Variants in VPS13A observed in about 807,000 individuals in gnomAD.
VPS13A encodes intermembrane lipid transfer protein VPS13A.
A neutral mutation model predicts 390.9 loss-of-function variants in VPS13A; 264 were observed. That is an observed-to-expected ratio of 0.68 (90% CI 0.61 to 0.75). VPS13A has a LOEUF of 0.75. VPS13A is among the 30% of genes least tolerant of loss of function. The pLI, the probability that VPS13A is intolerant of heterozygous loss-of-function variation, is 0.00. For missense variants in VPS13A, 3,409 were observed against 3,733.9 expected, an observed-to-expected ratio of 0.91 and a Z score of 2.27; for synonymous variants, 1,231 against 1,227.1, an observed-to-expected ratio of 1.00 and a Z score of -0.07.
intron 1 of VPS13A, among the ~76,000 whole-genome samples, chr9:77,183,152 G>A (rs749933345): frequency 2.0e-5 from 3 of 152,108 alleles, no homozygotes; most frequent in Non-Finnish European, 4.4e-5. Flanking sequence ...AGATTTTACA[G>A]TGCCTCTCCA....
chr9:77,307,038 C>G (rs903282368), intron 34 of VPS13A, among the ~76,000 whole-genome samples: 2 of 151,736 alleles, frequency 1.3e-5, no homozygotes, highest in African/African-American at 2.4e-5. Context: ...ACCTGAGTAG[C>G]TGGGATTACA....
chr9:77,312,274 T>G (rs1383503802), intron 35 of VPS13A, among the ~76,000 whole-genome samples: 2 of 152,256 alleles, frequency 1.3e-5, no homozygotes, highest in Admixed American at 1.3e-4. Context: ...GCCTCAGACT[T>G]GATGTATGTA....
At chr9:77,264,507 TC>T (rs1825926489) in intron 23 of VPS13A, among the ~76,000 whole-genome samples, 1 of 152,222 alleles carries the variant, frequency 6.6e-6, no homozygotes, top group Admixed American at 6.5e-5. Flanking sequence ...AAGAGGTCCT[TC>T]ACATCCCTTG....
chr9:77,321,368 G>T, intron 43 of VPS13A, 41 bp downstream of exon 43: 2 of 1,583,488 alleles, frequency 1.3e-6, no homozygotes, highest in Non-Finnish European at 1.7e-6. Context: ...TGAGATACTT[G>T]TCTGATTGAT....
intron 68 of VPS13A, among the ~76,000 whole-genome samples, chr9:77,400,453 G>A (rs1163098570): frequency 6.6e-6 from 1 of 151,780 alleles, no homozygotes. Context: ...CCATTCAGTA[G>A]TGGTTAAGTT....
At chr9:77,239,367 G>A (rs923767031) in intron 19 of VPS13A, among the ~76,000 whole-genome samples, 5 of 151,122 alleles carry the variant, frequency 3.3e-5, no homozygotes, top group African/African-American at 1.2e-4. Context: ...GCAACACCCT[G>A]CCACACACAC....
At chr9:77,277,003 TG>T (rs1490888819) in intron 26 of VPS13A, among the ~76,000 whole-genome samples, 1 of 152,158 alleles carries the variant, frequency 6.6e-6, no homozygotes, top group East Asian at 1.9e-4. Context: ...GTATCTTTGT[TG>T]GGGGCAGAGG....
intron 71 of VPS13A, among the ~76,000 whole-genome samples, chr9:77,413,396 T>C (rs1000857368): frequency 9.9e-5 from 15 of 152,222 alleles, no homozygotes; most frequent in African/African-American, 3.4e-4. Context: ...AACAGAGATA[T>C]AGACCAATGG....
In VPS13A at chr9:77,339,862, A is replaced by T; in HGVS notation, c.6725A>T (p.Lys2242Met). The T allele has an allele frequency of 6.2e-7, 1 of 1,613,606 alleles. No homozygotes were observed. Among genetic ancestry groups the T allele is most frequent in the Non-Finnish European group, 8.5e-7 (1 of 1,179,942 alleles). The change falls in exon 48 of 72, where the codon AAG becomes ATG. Residue 2242 changes from lysine (K) to methionine (M), a missense_variant. Lys to Met is a moderately conservative substitution (Grantham distance 95). This residue lies in a region of VPS13A where 2,717 missense variants were observed against 2,917.4 expected (regional missense o/e 0.93). Coordinates refer to ENST00000360280, the MANE Select transcript of VPS13A (RefSeq NM_033305.3). ...CGAAAGCATCCACCTAATTATAAAA[A>T]GCCAGTTCTCTTTTCTTTTCAGCCA... ...IHRKHPPNYK[K>M]PVLFSFQPNH... is the part of the protein sequence containing the mutation.
intron 19 of VPS13A, among the ~76,000 whole-genome samples, chr9:77,240,489 T>G (rs556190444): frequency 6.6e-6 from 1 of 150,712 alleles, no homozygotes; most frequent in African/African-American, 2.4e-5. Context: ...TTTTTTTTTT[T>G]TTTTTTTGAC....
Position 77,220,092 on chromosome 9 carries a change from TTAATA to T in VPS13A, c.882+16_882+20del. ...TTTAATAAACCACAGGTGATTTTCT[TTAATA>T]TAATTTTCAATTGTGAATTATTGTT... is the stretch of plus-strand genomic sequence containing the variant. On this transcript the variant is annotated intron_variant, in intron 11 of 71. Transcript: ENST00000360280. 1 of 1,595,150 alleles carries T rather than the reference TTAATA, an allele frequency of 6.3e-7. No individual in the cohort carries two copies. The highest frequency in any genetic ancestry group is 8.6e-7 in the Non-Finnish European group (1 of 1,166,040).
chr9:77,271,717 C>T (rs998422160), intron 23 of VPS13A, among the ~76,000 whole-genome samples: 16 of 151,628 alleles, frequency 1.1e-4, no homozygotes, highest in African/African-American at 3.1e-4. Flanking sequence ...GGGAATAGAA[C>T]GCAGGATTAC....
rs762126165 is a variant in VPS13A at position 77,370,302 on chromosome 9, G to C, written c.8713G>C (p.Gly2905Arg). The C allele has an allele frequency of 6.2e-7, 1 of 1,614,138 alleles. No individual in the cohort carries two copies. The highest frequency in any genetic ancestry group is 2.2e-5 in the East Asian group (1 of 44,874). Reference protein sequence around the residue: ...PEEFVEGMALGLKALVGGAVG... With the variant: ...PEEFVEGMALRLKALVGGAVG... Reference sequence around the variant, plus strand: ...AGAGTTTGTGGAAGGAATGGCACTAGGACTTAAGGCACTAGTTGGTGGAGC... The same window carrying C: ...AGAGTTTGTGGAAGGAATGGCACTACGACTTAAGGCACTAGTTGGTGGAGC... Residue 2905 changes from glycine to arginine, a missense_variant, in exon 64 of 72, where the codon GGA becomes CGA. Gly to Arg is a moderately radical substitution (Grantham distance 125). Around this residue, in one of 5 missense-constraint regions of VPS13A, gnomAD observed 318 missense variants for 333.7 expected, o/e 0.95. Transcript: ENST00000360280.
intron 52 of VPS13A, among the ~76,000 whole-genome samples, chr9:77,347,734 G>T (rs1831232440): frequency 2.6e-5 from 4 of 152,052 alleles, no homozygotes; most frequent in Admixed American, 1.3e-4. Flanking sequence ...TCTAAAATAA[G>T]AAATATAATC....
At chr9:77,288,417 T>G (rs1827464754) in intron 31 of VPS13A, among the ~76,000 whole-genome samples, 1 of 152,242 alleles carries the variant, frequency 6.6e-6, no homozygotes. Flanking sequence ...CTATAAATTT[T>G]CCTTTAAGCA....
chr9:77,390,079 T>TTAC (rs1200971207), intron 68 of VPS13A: 3 of 985,328 alleles, frequency 3.0e-6, no homozygotes, highest in Non-Finnish European at 3.6e-6. Context: ...AAGAAAGGTC[T>TTAC]TACTATAGCA....
intron 71 of VPS13A, among the ~76,000 whole-genome samples, chr9:77,413,921 T>C (rs141322126): frequency 0.01 from 1,532 of 151,978 alleles, 21 homozygotes; most frequent in African/African-American, 0.023. Context: ...CATCAAAAAG[T>C]GGGTGAAGGA....
At chr9:77,285,515 T>C (rs763916014) in intron 31 of VPS13A, among the ~76,000 whole-genome samples, 22 of 152,218 alleles carry the variant, frequency 1.4e-4, no homozygotes, top group Non-Finnish European at 3.1e-4. Flanking sequence ...TAAAAAATAT[T>C]TTGAAAGTAA....
In VPS13A at chr9:77,240,486, T is replaced by G. The variant is rs951658670; in HGVS notation, c.1900+2100T>G. 8.0e-5 allele frequency among the ~76,000 whole-genome samples: 12 copies of G among 150,596 alleles called. No individual in the cohort carries two copies. The East Asian group carries it at 1.2e-3, about 15-fold the overall frequency. ...GTTTTTGTTATGTTTTTGTTTTTTT[T>G]TTTTTTTTTTGACAGTGTCTTGTTC... On this transcript the variant is annotated intron_variant, in intron 19 of 71. Transcript: ENST00000360280.
Sources: allele counts gnomAD v4.1 joint callset (sites outside exome capture counted in the v4.1 genomes callset), GRCh38; gene constraint gnomAD v4.1.1; regional missense constraint gnomAD v4.1.1; transcripts MANE v1.5; gene names NCBI Gene and HGNC (gene_info 2026-07-23, HGNC 2026-07-21).